EPC1: variants seen among roughly 807,000 people sequenced by gnomAD.
EPC1 encodes enhancer of polycomb homolog 1.
Under a neutral mutation model 98.4 loss-of-function variants are expected in EPC1, and 12 were observed. The ratio of observed to expected loss-of-function variants is 0.12; its 90% CI spans 0.08 to 0.20. EPC1 has a LOEUF of 0.20. Among genes scored for constraint, EPC1 ranks in the 10% least tolerant of loss-of-function variants. The pLI is 1.00. For synonymous variants in EPC1, 357 were observed against 363.9 expected (o/e 0.98, Z 0.21); for missense variants, 729 against 990.5 (o/e 0.74, Z 3.54).
chr10:32,323,540 G>A (rs1837066808), intron 1 of EPC1, among the ~76,000 whole-genome samples: 1 of 152,062 alleles, frequency 6.6e-6, no homozygotes, highest in South Asian at 2.1e-4. Context: ...CAAATAGGAA[G>A]GTATCTAAGT....
At chr10:32,285,649 T>C (rs1250669065) in intron 9 of EPC1, 1 of 152,358 alleles carries the variant, frequency 6.6e-6, no homozygotes, top group African/African-American at 2.4e-5. Flanking sequence ...AGCTAATTTT[T>C]GTGTTTTTAG....
intron 1 of EPC1, among the ~76,000 whole-genome samples, chr10:32,354,169 T>C (rs1377805664): frequency 6.6e-6 from 1 of 152,178 alleles, no homozygotes; most frequent in African/African-American, 2.4e-5. Context: ...CTTAAGAGAA[T>C]AAAGGGCAAA....
intron 1 of EPC1, among the ~76,000 whole-genome samples, chr10:32,353,754 G>T (rs915782653): frequency 6.6e-6 from 1 of 152,210 alleles, no homozygotes; most frequent in African/African-American, 2.4e-5. Flanking sequence ...ACATTAAAAA[G>T]TGATGTAGTG....
At chr10:32,345,116 G>C (rs1464985002) in intron 1 of EPC1, 31 of 965,068 alleles carry the variant, frequency 3.2e-5, no homozygotes, top group Non-Finnish European at 3.7e-5. Context: ...AGATTCTGCA[G>C]TCACAAGTAC....
At chr10:32,344,836 C>T (rs1211536825) in intron 1 of EPC1, among the ~76,000 whole-genome samples, 1 of 151,944 alleles carries the variant, frequency 6.6e-6, no homozygotes, top group Non-Finnish European at 1.5e-5. Flanking sequence ...TAAAAATTAC[C>T]CGTAAAATTT....
At chr10:32,344,064 C>T (rs1222359206) in intron 1 of EPC1, among the ~76,000 whole-genome samples, 1 of 152,172 alleles carries the variant, frequency 6.6e-6, no homozygotes, top group Admixed American at 6.5e-5. Context: ...ACTAATGTGT[C>T]AGTTAAAGGC....
At chr10:32,377,256 A>T (rs1839888829) in intron 1 of EPC1, 1 of 152,226 alleles carries the variant, frequency 6.6e-6, no homozygotes, top group Admixed American at 6.5e-5. Context: ...GGGAATTATT[A>T]TATGACTACT....
At chr10:32,282,608 G>A (rs1836468604) in intron 10 of EPC1, 2 of 152,198 alleles carry the variant, frequency 1.3e-5, no homozygotes, top group African/African-American at 4.8e-5. Flanking sequence ...TTTCTTTTCA[G>A]CTAAGCTTTT....
chr10:32,332,578 A>G (rs1161381862), intron 1 of EPC1, among the ~76,000 whole-genome samples: 1 of 152,220 alleles, frequency 6.6e-6, no homozygotes, highest in Admixed American at 6.5e-5. Flanking sequence ...GGTAGTAGAG[A>G]GAACTGGGAC....
intron 2 of EPC1, among the ~76,000 whole-genome samples, chr10:32,294,814 G>A (rs1005475547): frequency 1.3e-5 from 2 of 151,948 alleles, no homozygotes; most frequent in Non-Finnish European, 2.9e-5. Context: ...CACATCTTTA[G>A]AATGGTATAA....
chr10:32,290,674 G>C (rs539137253), intron 6 of EPC1, among the ~76,000 whole-genome samples: 1 of 151,698 alleles, frequency 6.6e-6, no homozygotes, highest in Non-Finnish European at 1.5e-5. Flanking sequence ...ATAAGGAAGA[G>C]AAACAAAAAT....
chr10:32,311,520 G>C (rs1418905143), intron 1 of EPC1, among the ~76,000 whole-genome samples: 1 of 150,824 alleles, frequency 6.6e-6, no homozygotes, highest in Non-Finnish European at 1.5e-5. Flanking sequence ...TTCTTCTAAG[G>C]CTTAAAAAAA....
intron 10 of EPC1, among the ~76,000 whole-genome samples, chr10:32,278,088 C>CT (rs888657883): frequency 8.2e-4 from 121 of 148,000 alleles, no homozygotes; most frequent in Non-Finnish European, 1.2e-3. Flanking sequence ...AAAATGTACA[C>CT]TTTTTTTTTT....
intron 6 of EPC1, among the ~76,000 whole-genome samples, chr10:32,287,524 C>A (rs758933518): frequency 2.0e-5 from 3 of 152,146 alleles, no homozygotes; most frequent in Non-Finnish European, 2.9e-5. Context: ...AAGGAGAGAA[C>A]AGAAGTTCTC....
chr10:32,322,717 C>T (rs556249660), intron 1 of EPC1, among the ~76,000 whole-genome samples: 1 of 152,058 alleles, frequency 6.6e-6, no homozygotes, highest in East Asian at 1.9e-4. Flanking sequence ...TATAATGTGG[C>T]TAGTATGAGA....
At chr10:32,322,016 A>G (rs1836956041) in intron 1 of EPC1, among the ~76,000 whole-genome samples, 1 of 150,286 alleles carries the variant, frequency 6.7e-6, no homozygotes, top group Non-Finnish European at 1.5e-5. Context: ...GATTCTCCTT[A>G]GAGTACTTCT....
At chr10:32,292,710 C>T in intron 4 of EPC1, 66 bp from the exon 5 acceptor site, 1 of 1,442,748 alleles carries the variant, frequency 6.9e-7, no homozygotes, top group Non-Finnish European at 9.3e-7. Flanking sequence ...AGTTATTGAC[C>T]CATAAAATTT....
chr10:32,352,423 T>C (rs1438197524), intron 1 of EPC1, among the ~76,000 whole-genome samples: 1 of 152,152 alleles, frequency 6.6e-6, no homozygotes, highest in African/African-American at 2.4e-5. Flanking sequence ...TTCACAGGAA[T>C]GTTTTGGACA....
intron 1 of EPC1, among the ~76,000 whole-genome samples, chr10:32,361,379 C>T (rs1239334445): frequency 6.6e-6 from 1 of 152,114 alleles, no homozygotes; most frequent in Admixed American, 6.6e-5. Context: ...GAATATGCCA[C>T]CCCCAAAATT....
Sources: gnomAD v4.1 joint callset for allele counts (sites outside exome capture counted in the v4.1 genomes callset) on GRCh38, gnomAD v4.1.1 for gene constraint, MANE v1.5 for transcripts, NCBI Gene and HGNC (gene_info 2026-07-23, HGNC 2026-07-21) for gene names.